Variants in ZNF362 observed in about 807,000 individuals in gnomAD.
ZNF362 encodes rotund homolog.
ZNF362 carries 11 observed loss-of-function variants against 42.9 expected under a neutral mutation model. That is an observed-to-expected ratio of 0.26 (90% CI 0.16 to 0.42). The LOEUF (loss-of-function observed/expected upper bound fraction) is 0.42, where lower values mean the gene tolerates loss of function less well. ZNF362 is among the 20% of genes least tolerant of loss of function. ZNF362 has a pLI of 1.00. For missense variants in ZNF362, 362 were observed against 576.2 expected, an observed-to-expected ratio of 0.63 and a Z score of 3.81; for synonymous variants, 255 against 257.3, an observed-to-expected ratio of 0.99 and a Z score of 0.09.
At chr1:33,247,253 G>C in the ZNF362 span, among the ~76,000 whole-genome samples, 1 of 152,182 alleles carries the variant, frequency 6.6e-6, no homozygotes, top group Non-Finnish European at 1.5e-5. Context: ...GTCAAGTCTA[G>C]AAAAATATGC....
chr1:33,178,051 G>A, the ZNF362 span, among the ~76,000 whole-genome samples: 2 of 152,132 alleles, frequency 1.3e-5, no homozygotes, highest in African/African-American at 4.8e-5. Context: ...TATAATAAAT[G>A]TAAAAGCTGC....
chr1:33,283,926 T>C (rs1646014281), intron 6 of ZNF362, among the ~76,000 whole-genome samples: 3 of 152,228 alleles, frequency 2.0e-5, no homozygotes. Flanking sequence ...TCCTCCCAGT[T>C]GTATGGTTCT....
chr1:33,253,596 C>T (rs899040295), upstream of ZNF362, among the ~76,000 whole-genome samples: 2 of 152,018 alleles, frequency 1.3e-5, no homozygotes, highest in Non-Finnish European at 2.9e-5. Context: ...AGCATGTACC[C>T]TTCCCCCATA....
chr1:33,128,838 C>G, the ZNF362 span, among the ~76,000 whole-genome samples: 1 of 152,198 alleles, frequency 6.6e-6, no homozygotes, highest in Middle Eastern at 3.2e-3. Flanking sequence ...AAATGAACTT[C>G]TGAACATGTT....
chr1:33,209,913 T>C, the ZNF362 span, among the ~76,000 whole-genome samples: 1 of 152,182 alleles, frequency 6.6e-6, no homozygotes, highest in Non-Finnish European at 1.5e-5. Context: ...GGGTTTGTTT[T>C]GTCTCTATTT....
At chr1:33,232,434 T>A in the ZNF362 span, among the ~76,000 whole-genome samples, 2 of 152,162 alleles carry the variant, frequency 1.3e-5, no homozygotes, top group African/African-American at 4.8e-5. Flanking sequence ...AATTTTTTTT[T>A]GTATTTTTTA....
At position 33,281,455 on chromosome 1, in the gene ZNF362, TG is replaced by T; in HGVS notation, c.684-130del. 2 of 798,282 alleles carry T rather than the reference TG, an allele frequency of 2.5e-6. No homozygotes were observed. The highest frequency in any genetic ancestry group is 4.1e-6 in the Non-Finnish European group (2 of 489,220). The allele number at this position is 798,282 out of a possible 1,614,324, so 49.4% of individuals were successfully genotyped here. A position where few individuals can be genotyped will look rare whatever the true frequency, so the allele number is the denominator to read the frequency against. ...GAGACTGTCCCCTGTCTTTCCCAGG[TG>T]GTCCTGTGCTTCTTGGGCTCATCAC... On this transcript the variant is annotated intron_variant, in intron 5 of 8. Transcript: ENST00000539719. This position sits in a 1 kb window ranked among gnomAD's most constrained non-coding sequence, Gnocchi z 4.8.
chr1:33,201,521 A>G, the ZNF362 span, among the ~76,000 whole-genome samples: 1 of 152,254 alleles, frequency 6.6e-6, no homozygotes, highest in Non-Finnish European at 1.5e-5. Context: ...TAGAAACTGA[A>G]TAACATACTT....
At chr1:33,152,851 G>A in the ZNF362 span, among the ~76,000 whole-genome samples, 2 of 152,170 alleles carry the variant, frequency 1.3e-5, no homozygotes, top group South Asian at 2.1e-4. Flanking sequence ...GCAGGGGGCG[G>A]GGAGAGCAGC....
At chr1:33,219,246 C>A in the ZNF362 span, among the ~76,000 whole-genome samples, 1 of 152,172 alleles carries the variant, frequency 6.6e-6, no homozygotes, top group Non-Finnish European at 1.5e-5. Flanking sequence ...GTGGTACCCA[C>A]CTTCACTGGG....
the ZNF362 span, among the ~76,000 whole-genome samples, chr1:33,213,191 G>A: frequency 2.0e-5 from 3 of 152,088 alleles, no homozygotes; most frequent in African/African-American, 7.2e-5. Context: ...TGTTGCCCAG[G>A]CTGGAGTGCA....
At chr1:33,298,328 C>T (rs114671304) in intron 8 of ZNF362, among the ~76,000 whole-genome samples, 2,563 of 152,178 alleles carry the variant, frequency 0.017, 65 homozygotes, top group African/African-American at 0.058. Flanking sequence ...CCAGCCTGGG[C>T]GACACAGTGA....
At chr1:33,128,152 C>G in the ZNF362 span, among the ~76,000 whole-genome samples, 1 of 150,936 alleles carries the variant, frequency 6.6e-6, no homozygotes, top group Non-Finnish European at 1.5e-5. Context: ...ATTGTTTGAG[C>G]CCAGGAGTTC....
Position 33,276,437 on chromosome 1 carries a change from G to A in ZNF362, c.192G>A (p.Ser64=), listed in dbSNP as rs1028069447. Reference sequence around the variant, plus strand: ...CTCACCTGCCGCCCACGTCGGCCTCGTCGCAGCAGCCGTTGCTAGTGCCGC... The same window carrying A: ...CTCACCTGCCGCCCACGTCGGCCTCATCGCAGCAGCCGTTGCTAGTGCCGC... The part of the protein sequence containing the change: ...RPPHLPPTSA[S]SQQPLLVPPA... The change falls in exon 4 of 9, where the codon TCG becomes TCA. Residue 64 remains serine, a synonymous_variant. Coordinates refer to ENST00000539719, the MANE Select transcript of ZNF362 (RefSeq NM_152493.3). 7 of 1,580,636 alleles carry A rather than the reference G, an allele frequency of 4.4e-6. No homozygotes were observed. Among genetic ancestry groups the A allele is most frequent in the South Asian group, 3.5e-5 (3 of 86,810 alleles).
chr1:33,164,035 TCATA>T, the ZNF362 span: 2 of 152,212 alleles, frequency 1.3e-5, no homozygotes, highest in African/African-American at 4.8e-5. Flanking sequence ...TACTCCGCTC[TCATA>T]CAGAGAGAGG....
At chr1:33,165,420 G>T in the ZNF362 span, 3 of 1,465,736 alleles carry the variant, frequency 2.0e-6, no homozygotes, top group Non-Finnish European at 2.8e-6. This position sits in a 1 kb window ranked among gnomAD's most constrained non-coding sequence, Gnocchi z 4.0. Flanking sequence ...GCCCCTCGAA[G>T]CCCTGCCCTC....
intron 1 of ZNF362, among the ~76,000 whole-genome samples, chr1:33,269,543 GT>G (rs1645887189): frequency 1.3e-5 from 2 of 152,154 alleles, no homozygotes; most frequent in South Asian, 2.1e-4. Context: ...CTGGGCAACT[GT>G]CTTCTTTTTA....
chr1:33,243,108 ATTATG>A, the ZNF362 span, among the ~76,000 whole-genome samples: 18,570 of 144,440 alleles, frequency 0.13, 1,252 homozygotes, highest in South Asian at 0.17. Flanking sequence ...CACAACTGTT[ATTATG>A]TTATGTTATG....
chr1:33,219,549 C>A, the ZNF362 span, among the ~76,000 whole-genome samples: 1 of 152,180 alleles, frequency 6.6e-6, no homozygotes, highest in Non-Finnish European at 1.5e-5. Flanking sequence ...ATATGGTGTT[C>A]CCAGGCAGAA....
Sources: allele counts gnomAD v4.1 joint callset (sites outside exome capture counted in the v4.1 genomes callset), GRCh38; gene constraint gnomAD v4.1.1; non-coding constraint Gnocchi (gnomAD v3.1); transcripts MANE v1.5; gene names NCBI Gene and HGNC (gene_info 2026-07-23, HGNC 2026-07-21).